The following SEPHS1 variants were observed in gnomAD, a reference collection of about 807,000 sequenced individuals.
The protein encoded by SEPHS1 is zincore component SEPHS1.
In SEPHS1, 7 loss-of-function variants were observed where a neutral mutation model predicts 39.2. That is an observed-to-expected ratio of 0.18 (90% CI 0.10 to 0.34). The LOEUF (loss-of-function observed/expected upper bound fraction) is 0.34, where lower values mean the gene tolerates loss of function less well. Among genes scored for constraint, SEPHS1 ranks in the 10% least tolerant of loss-of-function variants. SEPHS1 has a pLI of 1.00. For synonymous variants in SEPHS1, 190 were observed against 195.5 expected, an observed-to-expected ratio of 0.97 and a Z score of 0.23; for missense variants, 253 against 514.5, an observed-to-expected ratio of 0.49 and a Z score of 4.92.
intron 1 of SEPHS1, among the ~76,000 whole-genome samples, chr10:13,347,517 G>A (rs943098085): frequency 8.2e-5 from 12 of 146,410 alleles, no homozygotes; most frequent in Non-Finnish European, 1.5e-4. Context: ...GGGAGCCGGC[G>A]GGCACCGCGC....
chr10:13,347,828 C>A (rs2130710539), intron 1 of SEPHS1, among the ~76,000 whole-genome samples, 172 bp downstream of exon 1: 1 of 144,644 alleles, frequency 6.9e-6, no homozygotes, highest in East Asian at 2.1e-4. Context: ...AAAGCGGCCC[C>A]ACCAAGCCCG....
At chr10:13,322,532 C>G (rs1261269150) in intron 8 of SEPHS1, among the ~76,000 whole-genome samples, 1 of 152,202 alleles carries the variant, frequency 6.6e-6, no homozygotes, top group African/African-American at 2.4e-5. Flanking sequence ...AGGGGTATTA[C>G]AGTTAATTTC....
At chr10:13,347,031 A>G (rs1429287776) in intron 1 of SEPHS1, among the ~76,000 whole-genome samples, 1 of 152,148 alleles carries the variant, frequency 6.6e-6, no homozygotes, top group African/African-American at 2.4e-5. Flanking sequence ...TCTGGGGGAA[A>G]TGTGCAGTGA....
rs370369086 is a variant in SEPHS1 at position 13,333,894 on chromosome 10, G to A, written c.483C>T (p.Gly161=). ...TCCAGGGGTTTAGTACTGTTTGGCC[G>A]CCTGTTACAGATGTTCCTGCTTCCT... is the stretch of plus-strand genomic sequence containing the variant. ...AAEEAGTSVT[G]GQTVLNPWIV... is the part of the protein sequence containing the mutation. Residue 161 remains glycine (G), a synonymous_variant, in exon 5 of 9, where the codon GGC becomes GGT. Transcript: ENST00000327347. 6 of 1,613,562 alleles carry A rather than the reference G, an allele frequency of 3.7e-6. No individual in the cohort carries two copies. The highest frequency in any genetic ancestry group is 2.2e-5 in the South Asian group (2 of 91,076).
intron 8 of SEPHS1, among the ~76,000 whole-genome samples, chr10:13,321,170 G>A (rs1409820951): frequency 6.6e-6 from 1 of 152,102 alleles, no homozygotes; most frequent in Non-Finnish European, 1.5e-5. Context: ...CTCCCAGGCA[G>A]CCTTCACAGA....
At chr10:13,325,895 C>CAAAAAAAAA (rs562038894) in intron 7 of SEPHS1, among the ~76,000 whole-genome samples, 3 of 26,448 alleles carry the variant, frequency 1.1e-4, no homozygotes, top group African/African-American at 2.1e-4. Flanking sequence ...GACTCCGTCT[C>CAAAAAAAAA]AAAAAAAAAA....
chr10:13,319,384 T>TA (rs1564440130), intron 8 of SEPHS1, 28 bp from the exon 9 acceptor site: 10 of 1,609,200 alleles, frequency 6.2e-6, no homozygotes, highest in Non-Finnish European at 7.6e-6. Flanking sequence ...GAATGACTGT[T>TA]AGTGTTGACA....
At position 13,328,427 on chromosome 10, in the gene SEPHS1, T is replaced by C. The variant is rs1346492169; in HGVS notation, c.675A>G (p.Lys225=). 6.2e-7 allele frequency: 1 copy of C among 1,611,964 alleles called. No individual in the cohort carries two copies. Among genetic ancestry groups the C allele is most frequent in the Non-Finnish European group, 8.5e-7 (1 of 1,178,204 alleles). Residue 225 remains lysine (K), a synonymous_variant, in exon 7 of 9, where the codon AAA becomes AAG. Coordinates refer to ENST00000327347, the MANE Select transcript of SEPHS1 (RefSeq NM_012247.5). ...LDIPEKWNKI[K]LVVTQEDVEL... ...CTACATCTTCTTGGGTGACCACTAG[T>C]TTAATCTTATTCCATTTCTCAGGCT...
chr10:13,328,012 T>C (rs1033881960), intron 7 of SEPHS1, among the ~76,000 whole-genome samples: 2 of 145,898 alleles, frequency 1.4e-5, no homozygotes, highest in East Asian at 2.2e-4. Flanking sequence ...ACTTCCAAGG[T>C]TATGTTCTGG....
At chr10:13,324,435 T>C (rs1833203377) in intron 7 of SEPHS1, among the ~76,000 whole-genome samples, 1 of 152,360 alleles carries the variant, frequency 6.6e-6, no homozygotes, top group Non-Finnish European at 1.5e-5. Context: ...AGTTTTCAAC[T>C]TTTTTGAGTG....
rs986930410 is a variant in SEPHS1 at position 13,328,376 on chromosome 10, C to A, written c.726G>T (p.Met242Ile). Residue 242 changes from methionine to isoleucine, a missense_variant, in exon 7 of 9, where the codon ATG becomes ATT. Coordinates refer to ENST00000327347, the MANE Select transcript of SEPHS1 (RefSeq NM_012247.5). The part of the protein sequence containing the change: ...DVELAYQEAM[M>I]NMARLNRTAA... ...CTGTCCTGTTGAGCCTCGCCATGTTCATCATCGCCTCCTGGTAGGCCAGCT... is the reference window on the plus strand; with the variant it reads ...CTGTCCTGTTGAGCCTCGCCATGTTAATCATCGCCTCCTGGTAGGCCAGCT... The A allele has an allele frequency of 6.2e-7, 1 of 1,613,502 alleles. No homozygotes were observed.
At chr10:13,344,185 A>C (rs1292213340) in intron 2 of SEPHS1, among the ~76,000 whole-genome samples, 2 of 152,182 alleles carry the variant, frequency 1.3e-5, no homozygotes. Context: ...CTCCTGACAC[A>C]GTCACTGCCA....
intron 8 of SEPHS1, among the ~76,000 whole-genome samples, chr10:13,320,376 T>G (rs1833071723): frequency 6.6e-6 from 1 of 151,460 alleles, no homozygotes; most frequent in Non-Finnish European, 1.5e-5. Flanking sequence ...AGAGACAGGG[T>G]TTCACCGTGT....
At chr10:13,330,691 C>T (rs907064609) in intron 5 of SEPHS1, among the ~76,000 whole-genome samples, 1 of 152,174 alleles carries the variant, frequency 6.6e-6, no homozygotes, top group Non-Finnish European at 1.5e-5. Flanking sequence ...CCAGCTCAAC[C>T]TATACCATTT....
intron 1 of SEPHS1, chr10:13,347,502 G>A (rs1423964003): frequency 1.4e-5 from 2 of 147,146 alleles, no homozygotes; most frequent in East Asian, 2.0e-4. Context: ...CCGGCGGGAG[G>A]CGGCGGGAGC....
At chr10:13,323,743 C>CT (rs111687891) in intron 7 of SEPHS1, among the ~76,000 whole-genome samples, 207 of 143,232 alleles carry the variant, frequency 1.4e-3, no homozygotes, top group Admixed American at 2.5e-3. Context: ...AAATTTCTTT[C>CT]TTTTTTTTTT....
At chr10:13,322,625 C>A (rs1588532274) in intron 8 of SEPHS1, among the ~76,000 whole-genome samples, 1 of 152,346 alleles carries the variant, frequency 6.6e-6, no homozygotes, top group East Asian at 1.9e-4. Flanking sequence ...GCACAGGCCA[C>A]TCAACCTCAG....
chr10:13,340,703 A>G (rs1312100504), intron 2 of SEPHS1: 1 of 152,210 alleles, frequency 6.6e-6, no homozygotes, highest in Non-Finnish European at 1.5e-5. Context: ...TTGATTTGTA[A>G]AGCGCTTTAT....
chr10:13,339,477 T>C (rs189306857), intron 2 of SEPHS1, among the ~76,000 whole-genome samples: 1 of 152,240 alleles, frequency 6.6e-6, no homozygotes, highest in Admixed American at 6.5e-5. Context: ...GAGATAAGGC[T>C]GTACTCCTTT....
Sources: allele counts gnomAD v4.1 joint callset (sites outside exome capture counted in the v4.1 genomes callset), GRCh38; gene constraint gnomAD v4.1.1; transcripts MANE v1.5; gene names NCBI Gene and HGNC (gene_info 2026-07-23, HGNC 2026-07-21).